Variants in MBNL3 observed in about 807,000 individuals in gnomAD.
The protein encoded by MBNL3 is muscleblind like splicing regulator 3.
In MBNL3, 6 loss-of-function variants were observed where a neutral mutation model predicts 24.5. The ratio of observed to expected loss-of-function variants is 0.25; its 90% CI spans 0.13 to 0.48. The LOEUF (loss-of-function observed/expected upper bound fraction) is 0.48, where lower values mean the gene tolerates loss of function less well. Ranked by LOEUF, MBNL3 falls within the 20% of genes least tolerant of loss-of-function variation. The pLI, the probability that MBNL3 is intolerant of heterozygous loss-of-function variation, is 0.99. For missense variants in MBNL3, 230 were observed against 293.5 expected (o/e 0.78, Z 1.58); for synonymous variants, 100 against 101.7 (o/e 0.98, Z 0.10).
intron 3 of MBNL3, among the ~76,000 whole-genome samples, chrX:132,401,557 G>A (rs1327125387): frequency 1.9e-4 from 21 of 107,744 alleles, no homozygotes; most frequent in African/African-American, 6.4e-4. Context: ...GCTACATTGA[G>A]CTATGATCAT....
intron 3 of MBNL3, among the ~76,000 whole-genome samples, chrX:132,396,868 T>TTATATATA (rs1569426258): frequency 1.5e-5 from 1 of 66,041 alleles, no homozygotes; most frequent in Non-Finnish European, 2.6e-5. Flanking sequence ...ATATATATAT[T>TTATATATA]CATATATACA....
At chrX:132,388,892 T>G (rs1044054986) in intron 5 of MBNL3, among the ~76,000 whole-genome samples, 1 of 111,973 alleles carries the variant, frequency 8.9e-6, no homozygotes, top group South Asian at 3.7e-4. Context: ...CTCCTTTATT[T>G]AATCTTACCT....
At chrX:132,422,533 A>G (rs750060287) in intron 2 of MBNL3, among the ~76,000 whole-genome samples, 1 of 112,138 alleles carries the variant, frequency 8.9e-6, no homozygotes, top group South Asian at 3.7e-4. Context: ...TTTCTCAGCT[A>G]AAAAGCATTG....
chrX:132,465,575 T>G (rs1946843439), intron 1 of MBNL3, among the ~76,000 whole-genome samples: 1 of 112,422 alleles, frequency 8.9e-6, no homozygotes, highest in African/African-American at 3.2e-5. Flanking sequence ...TTCTTCATCT[T>G]CGTTCTTCTT....
chrX:132,413,670 G>C lies in MBNL3; in HGVS notation c.178-7278C>G, dbSNP rs185940488. ...GCTCCTCCCACCAAAAGCTTCACAC[G>C]GCTCGCTACCCTGGCAGCCACTCCA... On this transcript the variant is annotated intron_variant, in intron 2 of 8. Coordinates refer to ENST00000370853, the MANE Select transcript of MBNL3 (RefSeq NM_001386889.1). 8,718 of 993,062 alleles carry C rather than the reference G, an allele frequency of 8.8e-3. 30 individuals carry two copies. The highest frequency in any genetic ancestry group is 0.015 in the Middle Eastern group (42 of 2,895). 81.8% of individuals were successfully genotyped at this position (993,062 alleles called of 1,213,427 possible). A position where few individuals can be genotyped will look rare whatever the true frequency, so the allele number is the denominator to read the frequency against.
intron 1 of MBNL3, among the ~76,000 whole-genome samples, chrX:132,442,152 A>C (rs1329295686): frequency 9.0e-6 from 1 of 111,600 alleles, no homozygotes; most frequent in Admixed American, 9.5e-5. Flanking sequence ...GGGGGTGATG[A>C]AAATGTTTTG....
At chrX:132,408,331 C>A (rs1057149536) in intron 2 of MBNL3, among the ~76,000 whole-genome samples, 2 of 107,455 alleles carry the variant, frequency 1.9e-5, no homozygotes, top group Admixed American at 1.0e-4. Flanking sequence ...TGCAGCTCAG[C>A]AGCATTGCTT....
intron 1 of MBNL3, among the ~76,000 whole-genome samples, chrX:132,444,220 A>T (rs1394705011): frequency 9.0e-6 from 1 of 110,545 alleles, no homozygotes; most frequent in African/African-American, 3.3e-5. Flanking sequence ...AACTATAAAG[A>T]TTAAATAGTA....
At chrX:132,397,625 G>C (rs930857844) in intron 3 of MBNL3, among the ~76,000 whole-genome samples, 1 of 111,183 alleles carries the variant, frequency 9.0e-6, no homozygotes, top group Non-Finnish European at 1.9e-5. Context: ...AATTTTACTA[G>C]CGTCATAATA....
intron 1 of MBNL3, among the ~76,000 whole-genome samples, chrX:132,443,835 A>T (rs1346606513): frequency 9.0e-6 from 1 of 110,830 alleles, no homozygotes; most frequent in Non-Finnish European, 1.9e-5. Flanking sequence ...ATTGCTCCCC[A>T]TATTTCTCTT....
intron 1 of MBNL3, among the ~76,000 whole-genome samples, 192 bp downstream of exon 1, chrX:132,488,659 G>A (rs947089088): frequency 8.9e-6 from 1 of 112,472 alleles, no homozygotes. Context: ...AGAGGAGGAA[G>A]AGAAGGAAGA....
At chrX:132,438,689 A>T (rs1334860503) in intron 2 of MBNL3, among the ~76,000 whole-genome samples, 1 of 105,963 alleles carries the variant, frequency 9.4e-6, no homozygotes. Context: ...TTTTTCTGCA[A>T]TCATATACAT....
In MBNL3 at chrX:132,372,872, A is replaced by AT. The variant is rs1246793042; in HGVS notation, c.*6793dup. On this transcript the variant is annotated 3_prime_UTR_variant, in exon 9 of 9. Transcript: ENST00000370853. ...GTCATACATTTTTTTTACATATACC[A>AT]TAATTGTGGATGGATTCTATTTAAA... is the stretch of plus-strand genomic sequence containing the variant. 9.0e-6 allele frequency: 1 copy of AT among 111,559 alleles called. No homozygotes were observed. The highest frequency in any genetic ancestry group is 1.9e-5 in the Non-Finnish European group (1 of 53,020). The allele number at this position is 111,559 out of a possible 1,213,427, so 9.2% of individuals were successfully genotyped here.
rs1934161882 is a variant in MBNL3 at position 132,376,522 on chromosome X, A to C, written c.*3144T>G. 9.0e-6 allele frequency: 1 copy of C among 111,166 alleles called. No homozygotes were observed. The highest frequency in any genetic ancestry group is 3.3e-5 in the African/African-American group (1 of 30,648). The allele number at this position is 111,166 out of a possible 1,213,427, so 9.2% of individuals were successfully genotyped here. ...CAGCACTCTTGCATATTTTTTGCAA[A>C]AGGCTGAGAAAAATGGACAAAAACA... On this transcript the variant is annotated 3_prime_UTR_variant, in exon 9 of 9. Transcript: ENST00000370853.
chrX:132,469,753 TATTA>T (rs1405582956), intron 1 of MBNL3, among the ~76,000 whole-genome samples: 2 of 111,777 alleles, frequency 1.8e-5, no homozygotes, highest in African/African-American at 3.3e-5. Flanking sequence ...TTTGAAAAAG[TATTA>T]ATTCAGTGAT....
intron 3 of MBNL3, among the ~76,000 whole-genome samples, chrX:132,397,158 G>C (rs1486235418): frequency 9.4e-6 from 1 of 106,641 alleles, no homozygotes; most frequent in Admixed American, 1.1e-4. Context: ...GACTAAGAAT[G>C]GGGAAATAGT....
chrX:132,372,685 C>G lies in MBNL3; in HGVS notation c.*6981G>C. 1 of 110,045 alleles carries G rather than the reference C, an allele frequency of 9.1e-6. No individual in the cohort carries two copies. 9.1% of individuals were successfully genotyped at this position (110,045 alleles called of 1,213,427 possible). Reference sequence around the variant, plus strand: ...GCTCTGGAACCATGCAGTTTTATGACAGATAAATCTTTAGGTTGTGTGTTT... The same window carrying G: ...GCTCTGGAACCATGCAGTTTTATGAGAGATAAATCTTTAGGTTGTGTGTTT... On this transcript the variant is annotated 3_prime_UTR_variant, in exon 9 of 9. Transcript: ENST00000370853.
intron 1 of MBNL3, among the ~76,000 whole-genome samples, chrX:132,465,569 T>C (rs1946842970): frequency 8.9e-6 from 1 of 112,465 alleles, no homozygotes; most frequent in Non-Finnish European, 1.9e-5. Context: ...TTAGTGTTCT[T>C]CATCTTCGTT....
At position 132,375,276 on chromosome X, in the gene MBNL3, T is replaced by G. The variant is rs1934029259; in HGVS notation, c.*4390A>C. On this transcript the variant is annotated 3_prime_UTR_variant, in exon 9 of 9. Transcript: ENST00000370853. Reference sequence around the variant, plus strand: ...ACAACTAAATATAATTAGATAACAATTATTATTTGTATATAAAGTTAAATT... The same window carrying G: ...ACAACTAAATATAATTAGATAACAAGTATTATTTGTATATAAAGTTAAATT... 9.0e-6 allele frequency: 1 copy of G among 111,706 alleles called. No individual in the cohort carries two copies. The highest frequency in any genetic ancestry group is 1.9e-5 in the Non-Finnish European group (1 of 53,001). The allele number at this position is 111,706 out of a possible 1,213,427, so 9.2% of individuals were successfully genotyped here. A position where few individuals can be genotyped will look rare whatever the true frequency, so the allele number is the denominator to read the frequency against.
Sources: allele counts gnomAD v4.1 joint callset (sites outside exome capture counted in the v4.1 genomes callset), GRCh38; gene constraint gnomAD v4.1.1; transcripts MANE v1.5; gene names NCBI Gene and HGNC (gene_info 2026-07-23, HGNC 2026-07-21).